FOXO3: variants seen among roughly 807,000 people sequenced by gnomAD.
FOXO3 encodes forkhead box O3.
FOXO3 carries 4 observed loss-of-function variants against 41.9 expected under a neutral mutation model. That is an observed-to-expected ratio of 0.10 (90% confidence interval 0.05 to 0.22). The LOEUF is 0.22. Among genes scored for constraint, FOXO3 ranks in the 10% least tolerant of loss-of-function variants. The pLI, the probability that FOXO3 is intolerant of heterozygous loss-of-function variation, is 1.00. For missense variants in FOXO3, 534 were observed against 906.8 expected (o/e 0.59, Z 5.28); for synonymous variants, 318 against 389.3 (o/e 0.82, Z 2.16).
intron 1 of FOXO3, among the ~76,000 whole-genome samples, chr6:108,660,677 C>A (rs776406261): frequency 2.0e-4 from 30 of 151,952 alleles, no homozygotes; most frequent in Middle Eastern, 3.4e-3. Context: ...TTGAGACCAG[C>A]CTGGCCAACA....
intron 1 of FOXO3, among the ~76,000 whole-genome samples, chr6:108,606,455 A>G (rs1777204145): frequency 6.6e-6 from 1 of 152,226 alleles, no homozygotes; most frequent in African/African-American, 2.4e-5. Flanking sequence ...GGTTCTTGAC[A>G]CACATGGCAA....
Position 108,678,890 on chromosome 6 carries a change from T to TTTTTTCC in FOXO3, c.*35-936_*35-935insTTTTCCT, listed in dbSNP as rs368405598. On this transcript the variant is annotated intron_variant, in intron 2 of 2. Transcript: ENST00000406360. ...AATTCTTTTTTTTTTTTTTTTTTTT[T>TTTTTTCC]TGAGACGGAGTCTCGCTGTCGCTCA... is the stretch of plus-strand genomic sequence containing the variant. Among the ~76,000 whole-genome samples the TTTTTTCC allele has an allele frequency of 8.7e-4, 100 of 115,420 alleles. 1 individual carries two copies. The highest frequency in any genetic ancestry group is 1.4e-3 in the Non-Finnish European group (76 of 55,948). The allele number at this position is 115,420 out of a possible 152,430, so 75.7% of individuals were successfully genotyped here. A position where few individuals can be genotyped will look rare whatever the true frequency, so the allele number is the denominator to read the frequency against.
intron 2 of FOXO3, among the ~76,000 whole-genome samples, chr6:108,667,644 T>G (rs1186498706): frequency 1.3e-5 from 2 of 152,238 alleles, no homozygotes; most frequent in Non-Finnish European, 2.9e-5. Context: ...GTTTATCTGG[T>G]GAACTCTGAT....
At chr6:108,607,841 G>A (rs1229276185) in intron 1 of FOXO3, among the ~76,000 whole-genome samples, 1 of 152,116 alleles carries the variant, frequency 6.6e-6, no homozygotes, top group Admixed American at 6.5e-5. Flanking sequence ...GAGGGTTGGG[G>A]AATAAATACA....
chr6:108,670,963 A>T (rs548913365), intron 2 of FOXO3, among the ~76,000 whole-genome samples: 1 of 152,292 alleles, frequency 6.6e-6, no homozygotes, highest in Non-Finnish European at 1.5e-5. Context: ...GGCACAGGGG[A>T]TAGAAGTGGG....
intron 1 of FOXO3, among the ~76,000 whole-genome samples, chr6:108,606,912 A>T (rs1017499002): frequency 3.9e-5 from 6 of 152,174 alleles, no homozygotes; most frequent in African/African-American, 1.4e-4. Flanking sequence ...GAAGAAGACA[A>T]TGCTTGTCCT....
intron 1 of FOXO3, among the ~76,000 whole-genome samples, chr6:108,573,846 T>C (rs1582735181): frequency 6.6e-6 from 1 of 150,964 alleles, no homozygotes; most frequent in African/African-American, 2.4e-5. Context: ...AAATAAGTAA[T>C]GATAATAATA....
At chr6:108,647,286 T>C (rs981669375) in intron 1 of FOXO3, among the ~76,000 whole-genome samples, 12 of 152,230 alleles carry the variant, frequency 7.9e-5, no homozygotes, top group Non-Finnish European at 1.5e-4. Context: ...AAGTTGTTGC[T>C]AATAGTTCCT....
intron 1 of FOXO3, among the ~76,000 whole-genome samples, chr6:108,659,828 G>A (rs535131328): frequency 5.2e-4 from 79 of 152,234 alleles, no homozygotes; most frequent in African/African-American, 1.8e-3. Context: ...AAAACTATAC[G>A]CATACGTTGT....
intron 1 of FOXO3, among the ~76,000 whole-genome samples, chr6:108,649,748 C>A (rs1389459329): frequency 6.6e-6 from 1 of 152,162 alleles, no homozygotes; most frequent in Non-Finnish European, 1.5e-5. Flanking sequence ...CTTCAGAAAA[C>A]TCCTTAGTTT....
chr6:108,579,208 A>G (rs1776344627), intron 1 of FOXO3, among the ~76,000 whole-genome samples: 1 of 152,194 alleles, frequency 6.6e-6, no homozygotes. Context: ...TCCTTTTCGT[A>G]CATGAAGCCA....
At chr6:108,637,001 T>C (rs964136195) in intron 1 of FOXO3, among the ~76,000 whole-genome samples, 9 of 152,214 alleles carry the variant, frequency 5.9e-5, no homozygotes, top group Non-Finnish European at 1.2e-4. Flanking sequence ...AGGAATGGAC[T>C]GGGAGAGATG....
intron 1 of FOXO3, among the ~76,000 whole-genome samples, chr6:108,625,265 G>A (rs1777780735): frequency 2.0e-5 from 3 of 152,146 alleles, no homozygotes; most frequent in African/African-American, 7.2e-5. Flanking sequence ...TAGTTTCTAT[G>A]AAAAGTTCAG....
rs1294778896 is a variant in FOXO3 at position 108,680,374 on chromosome 6, A to G, written c.*582A>G. On this transcript the variant is annotated 3_prime_UTR_variant, in exon 3 of 3. Transcript: ENST00000406360. ...CATAAACTAACAAATTACATAAACT[A>G]AAGGGGGATTTTCTTTCTTCTTTTG... 3 of 152,614 alleles carry G rather than the reference A, an allele frequency of 2.0e-5. No individual in the cohort carries two copies. Among genetic ancestry groups the G allele is most frequent in the African/African-American group, 4.8e-5 (2 of 41,470 alleles). The allele number at this position is 152,614 out of a possible 1,614,324, so 9.5% of individuals were successfully genotyped here.
intron 1 of FOXO3, among the ~76,000 whole-genome samples, chr6:108,585,260 G>A (rs1053168577): frequency 2.6e-5 from 4 of 151,598 alleles, no homozygotes; most frequent in African/African-American, 9.7e-5. Flanking sequence ...AGCCAGGATG[G>A]TCTCGATCTC....
At position 108,561,392 on chromosome 6, in the gene FOXO3, G is replaced by A. The variant is rs532258926; in HGVS notation, c.184G>A (p.Asp62Asn). The A allele has an allele frequency of 2.1e-4, 330 of 1,548,678 alleles. 3 individuals carry two copies. In the East Asian group the frequency reaches 3.4e-3, roughly 16 times the overall value. The change falls in exon 1 of 3, where the codon GAC becomes AAC. Residue 62 changes from aspartate to asparagine, a missense_variant. Coordinates refer to ENST00000406360, the MANE Select transcript of FOXO3 (RefSeq NM_001455.4). ...CGACTCCATGATCCCCGAGGAGGAG[G>A]ACGATGAAGACGACGAGGACGGCGG... ...AADSMIPEEE[D>N]DEDDEDGGGR...
intron 2 of FOXO3, among the ~76,000 whole-genome samples, chr6:108,678,214 T>C (rs1770694284): frequency 6.6e-6 from 1 of 152,238 alleles, no homozygotes; most frequent in African/African-American, 2.4e-5. Context: ...GAATTCCTGA[T>C]GACCCTACGG....
intron 1 of FOXO3, among the ~76,000 whole-genome samples, chr6:108,570,208 C>T (rs1340993708): frequency 6.6e-6 from 1 of 151,950 alleles, no homozygotes; most frequent in African/African-American, 2.4e-5. Context: ...ACTGTGTTAG[C>T]CAGGATGGTC....
chr6:108,672,249 C>CTGGCCT (rs1779235004), intron 2 of FOXO3, among the ~76,000 whole-genome samples: 1 of 152,224 alleles, frequency 6.6e-6, no homozygotes, highest in Admixed American at 6.5e-5. Flanking sequence ...TGGCAGTAGT[C>CTGGCCT]TGGCCTTGGG....
Sources: allele counts gnomAD v4.1 joint callset (sites outside exome capture counted in the v4.1 genomes callset), GRCh38; gene constraint gnomAD v4.1.1; transcripts MANE v1.5; gene names NCBI Gene and HGNC (gene_info 2026-07-23, HGNC 2026-07-21).